The following ZFHX3 variants were observed in gnomAD, a reference collection of about 807,000 sequenced individuals.
ZFHX3 encodes the protein zinc finger homeobox 3.
In ZFHX3, 42 loss-of-function variants were observed where a neutral mutation model predicts 279.1. The observed-to-expected ratio is 0.15, with a 90% confidence interval of 0.12 to 0.19. The LOEUF (loss-of-function observed/expected upper bound fraction) is 0.19, where lower values mean the gene tolerates loss of function less well. ZFHX3 is among the 10% of genes least tolerant of loss of function. ZFHX3 has a pLI of 1.00. For synonymous variants in ZFHX3, 2,293 were observed against 1,957.8 expected, an observed-to-expected ratio of 1.17 and a Z score of -4.52; for missense variants, 4,981 against 4,754.0, an observed-to-expected ratio of 1.05 and a Z score of -1.40.
intron 1 of ZFHX3, among the ~76,000 whole-genome samples, chr16:73,784,450 T>A (rs1014310158): frequency 5.3e-5 from 8 of 152,026 alleles, no homozygotes; most frequent in African/African-American, 1.9e-4. Context: ...CCAAAATTGT[T>A]TTAAAATTTA....
chr16:72,941,905 T>C (rs1215121119), intron 3 of ZFHX3, among the ~76,000 whole-genome samples: 1 of 152,212 alleles, frequency 6.6e-6, no homozygotes, highest in Non-Finnish European at 1.5e-5. Context: ...AAGTATTAAA[T>C]ATATACTTAC....
chr16:73,508,702 C>T (rs998745679), intron 2 of ZFHX3, among the ~76,000 whole-genome samples: 6 of 152,308 alleles, frequency 3.9e-5, no homozygotes, highest in Admixed American at 2.0e-4. Flanking sequence ...GAATAGTACA[C>T]ACTGGAAATA....
chr16:73,290,189 G>A (rs990113962), intron 4 of ZFHX3, among the ~76,000 whole-genome samples: 1 of 152,158 alleles, frequency 6.6e-6, no homozygotes, highest in Admixed American at 6.5e-5. Flanking sequence ...AATAGACTCT[G>A]TGCCTTCCCT....
chr16:73,816,743 CT>C (rs1960584942), intron 1 of ZFHX3, among the ~76,000 whole-genome samples: 1 of 152,114 alleles, frequency 6.6e-6, no homozygotes, highest in African/African-American at 2.4e-5. Flanking sequence ...GGATTCAGAA[CT>C]GGTCACTAGA....
At chr16:73,545,184 G>T (rs1455065339) in intron 2 of ZFHX3, among the ~76,000 whole-genome samples, 2 of 152,054 alleles carry the variant, frequency 1.3e-5, no homozygotes, top group Non-Finnish European at 2.9e-5. Context: ...AGCGTGGGAG[G>T]CAATCTCAGA....
chr16:72,957,216 A>G (rs1224446297), intron 2 of ZFHX3, among the ~76,000 whole-genome samples: 1 of 152,238 alleles, frequency 6.6e-6, no homozygotes, highest in Non-Finnish European at 1.5e-5. Context: ...GAGTACAAGC[A>G]TATCTCTTTT....
chr16:73,169,500 G>A (rs1967469384), intron 5 of ZFHX3, among the ~76,000 whole-genome samples: 1 of 152,088 alleles, frequency 6.6e-6, no homozygotes, highest in African/African-American at 2.4e-5. Context: ...AAATTAGCTG[G>A]GTGTGGTGGC....
intron 2 of ZFHX3, among the ~76,000 whole-genome samples, chr16:73,597,278 T>G (rs186178517): frequency 6.6e-6 from 1 of 152,348 alleles, no homozygotes; most frequent in Non-Finnish European, 1.5e-5. Flanking sequence ...TCCCCTTCTG[T>G]TGACCTTCCA....
intron 2 of ZFHX3, among the ~76,000 whole-genome samples, chr16:73,665,356 G>A (rs1436218433): frequency 2.0e-5 from 3 of 152,194 alleles, no homozygotes; most frequent in East Asian, 3.9e-4. Context: ...TGGGATTACA[G>A]GCTCCAGCCA....
At chr16:73,479,758 AG>A (rs2018831662) in intron 2 of ZFHX3, among the ~76,000 whole-genome samples, 1 of 152,236 alleles carries the variant, frequency 6.6e-6, no homozygotes, top group Non-Finnish European at 1.5e-5. Context: ...GGTCCTGGAA[AG>A]CCTCTGGGAG....
At chr16:73,325,910 C>A (rs1371719319) in intron 3 of ZFHX3, among the ~76,000 whole-genome samples, 1 of 109,708 alleles carries the variant, frequency 9.1e-6, no homozygotes, top group East Asian at 2.4e-4. Context: ...CAAACACACA[C>A]ACACACACAC....
rs1325673080 is a variant in ZFHX3, at chr16:72,795,365, C to G, written c.7317G>C (p.Gln2439His). Residue 2439 changes from glutamine to histidine, a missense_variant, in exon 9 of 10, where the codon CAG becomes CAC. Coordinates refer to ENST00000268489, the MANE Select transcript of ZFHX3 (RefSeq NM_006885.4). Reference sequence around the variant, plus strand: ...CTTGCTTTTCTTGGGTTTGGTTTGGCTGTGCACTGGGAGCTTCCGCCAGCT... The same window carrying G: ...CTTGCTTTTCTTGGGTTTGGTTTGGGTGTGCACTGGGAGCTTCCGCCAGCT... ...KPKLAEAPSA[Q>H]PNQTQEKQGQ... is the part of the protein sequence containing the mutation. 2 of 1,614,110 alleles carry G rather than the reference C, an allele frequency of 1.2e-6. No individual in the cohort carries two copies. Among genetic ancestry groups the G allele is most frequent in the Non-Finnish European group, 1.7e-6 (2 of 1,180,022 alleles).
chr16:72,877,489 C>T (rs1013534636), intron 4 of ZFHX3, among the ~76,000 whole-genome samples: 1 of 152,126 alleles, frequency 6.6e-6, no homozygotes, highest in African/African-American at 2.4e-5. Context: ...GAGTGTCCAG[C>T]GTAGGAGGAG....
At chr16:72,884,574 G>A in intron 4 of ZFHX3, among the ~76,000 whole-genome samples, 1 of 152,118 alleles carries the variant, frequency 6.6e-6, no homozygotes, top group East Asian at 1.9e-4. Flanking sequence ...AAATTTGGAG[G>A]TCTATGTCTA....
At chr16:72,840,444 G>A (rs1326146960) in intron 4 of ZFHX3, among the ~76,000 whole-genome samples, 4 of 152,202 alleles carry the variant, frequency 2.6e-5, no homozygotes, top group African/African-American at 9.6e-5. Flanking sequence ...TTGCAATGCT[G>A]GGGAGACACA....
Position 72,958,996 on chromosome 16 carries a change from C to G in ZFHX3, c.1150G>C (p.Ala384Pro), listed in dbSNP as rs553932870. The G allele has an allele frequency of 1.2e-6, 2 of 1,607,846 alleles. No homozygotes were observed. Among genetic ancestry groups the G allele is most frequent in the African/African-American group, 2.7e-5 (2 of 74,644 alleles). Residue 384 changes from alanine to proline, a missense_variant, in exon 2 of 10, where the codon GCC becomes CCC. Ala to Pro is a conservative substitution (Grantham distance 27). Coordinates refer to ENST00000268489, the MANE Select transcript of ZFHX3 (RefSeq NM_006885.4). The part of the protein sequence containing the change: ...EGEEALPAGS[A>P]AGPEQPQAGL... Reference sequence around the variant, plus strand: ...GCCTGGGGCTGCTCGGGGCCAGCGGCGGAGCCCGCTGGGAGAGCTTCCTCC... The same window carrying G: ...GCCTGGGGCTGCTCGGGGCCAGCGGGGGAGCCCGCTGGGAGAGCTTCCTCC...
chr16:73,883,119 GTTTTTC>G (rs1466947257), intron 1 of ZFHX3, among the ~76,000 whole-genome samples: 4 of 151,508 alleles, frequency 2.6e-5, no homozygotes, highest in African/African-American at 9.7e-5. Flanking sequence ...TTTGGTTGTT[GTTTTTC>G]TTTTTTTAAG....
chr16:73,035,704 G>A (rs1411579805), intron 1 of ZFHX3, among the ~76,000 whole-genome samples: 3 of 152,200 alleles, frequency 2.0e-5, no homozygotes, highest in Non-Finnish European at 4.4e-5. Context: ...TGGCCAACAT[G>A]GCAAAACCCC....
At chr16:72,923,604 G>C (rs1959263744) in intron 3 of ZFHX3, among the ~76,000 whole-genome samples, 1 of 151,882 alleles carries the variant, frequency 6.6e-6, no homozygotes, top group African/African-American at 2.4e-5. Context: ...GCGTCTCTGA[G>C]CCTGTTTTAT....
Sources: allele counts gnomAD v4.1 joint callset (sites outside exome capture counted in the v4.1 genomes callset), GRCh38; gene constraint gnomAD v4.1.1; transcripts MANE v1.5; gene names NCBI Gene and HGNC (gene_info 2026-07-23, HGNC 2026-07-21).